Variants in ADCY7 observed in about 807,000 individuals in gnomAD.
The protein encoded by ADCY7 is adenylate cyclase 7.
Under a neutral mutation model 120.6 loss-of-function variants are expected in ADCY7, and 72 were observed. The observed-to-expected ratio is 0.60, with a 90% CI of 0.49 to 0.73. The LOEUF (loss-of-function observed/expected upper bound fraction) is 0.73. ADCY7 is among the 30% of genes least tolerant of loss of function. The probability of loss-of-function intolerance (pLI) is 0.00; values close to 1 mark genes in which losing one functional copy is unlikely to be tolerated. For missense variants in ADCY7, 1,227 were observed against 1,486.0 expected (o/e 0.83, Z 2.87); for synonymous variants, 661 against 628.0 (o/e 1.05, Z -0.78).
intron 14 of ADCY7, 46 bp from the exon 15 acceptor site, chr16:50,307,004 A>G: frequency 6.7e-7 from 1 of 1,488,804 alleles, no homozygotes; most frequent in Non-Finnish European, 9.3e-7. Flanking sequence ...AGGGTGGGCA[A>G]GTGGCACTGC....
rs377714005 is a variant in ADCY7, at chr16:50,293,397, G to A, written c.731G>A (p.Gly244Asp). Residue 244 changes from glycine to aspartate, a missense_variant, in exon 6 of 26, where the codon GGC (glycine) becomes GAC (aspartate). By Grantham distance (94) the Gly-to-Asp change is moderately conservative. Coordinates refer to ENST00000673801, the MANE Select transcript of ADCY7 (RefSeq NM_001114.5). ...LSVLPAHISMGMKLAIIERLK... is the reference protein window; with the variant it reads ...LSVLPAHISMDMKLAIIERLK... ...GTGCTTCCGGCCCACATCTCCATGG[G>A]CATGAAGCTGGCCATCATCGAACGG... 3 of 1,613,842 alleles carry A rather than the reference G, an allele frequency of 1.9e-6. No homozygotes were observed. Among genetic ancestry groups the A allele is most frequent in the African/African-American group, 2.7e-5 (2 of 74,934 alleles).
At chr16:50,314,894 T>C (rs938311388) in intron 24 of ADCY7, 120 bp from the exon 25 acceptor site, 72 of 1,398,952 alleles carry the variant, frequency 5.1e-5, no homozygotes, top group Admixed American at 1.3e-4. Flanking sequence ...CAACCCAGCC[T>C]TCACTCTAGT....
intron 1 of ADCY7, among the ~76,000 whole-genome samples, chr16:50,252,896 C>T (rs1286033068): frequency 6.6e-6 from 1 of 152,168 alleles, no homozygotes; most frequent in Non-Finnish European, 1.5e-5. Flanking sequence ...CTCGAAGTAA[C>T]CCATTAACAT....
intron 8 of ADCY7, among the ~76,000 whole-genome samples, chr16:50,299,594 C>T (rs142923752): frequency 1.3e-5 from 2 of 152,198 alleles, no homozygotes; most frequent in African/African-American, 2.4e-5. Flanking sequence ...GAGCAGGGCC[C>T]GGTGGGGCTG....
intron 20 of ADCY7, 42 bp downstream of exon 20, chr16:50,311,828 C>A: frequency 2.3e-6 from 3 of 1,323,702 alleles, no homozygotes; most frequent in Non-Finnish European, 3.2e-6. Flanking sequence ...GCTCTGCCCA[C>A]TTTTCCTCAC....
At position 50,259,838 on chromosome 16, in the gene ADCY7, C is replaced by T. The variant is rs186529629; in HGVS notation, c.-64+13635C>T. 8.5e-4 allele frequency among the ~76,000 whole-genome samples: 129 copies of T among 152,326 alleles called. No homozygotes were observed. In the South Asian group the frequency reaches 9.1e-3, roughly 11 times the overall value. The stretch of plus-strand genomic sequence containing the variant: ...AGGGGTCAGAAGGCGCTAGTGGACC[C>T]GGGCATTTTCTTATGTTCCTAGCCT... On this transcript the variant is annotated intron_variant, in intron 1 of 4. Transcript: ENST00000564044.
chr16:50,294,881 A>G, intron 7 of ADCY7, 130 bp downstream of exon 7: 1 of 628,570 alleles, frequency 1.6e-6, no homozygotes, highest in Admixed American at 2.7e-5. Flanking sequence ...GCATCCAGCC[A>G]GCAAACACAA....
In ADCY7 at chr16:50,311,803, C is replaced by CG. The variant is rs751779192; in HGVS notation, c.2448+17_2448+18insG. ...TCCAGACAGGTAAGGAGGCTGGCCC[C>CG]CCCCCCCCCCCCAAGCTCTGCCCAC... On this transcript the variant is annotated intron_variant, in intron 20 of 25. Coordinates refer to ENST00000673801, the MANE Select transcript of ADCY7 (RefSeq NM_001114.5). 1.2e-6 allele frequency: 1 copy of CG among 817,052 alleles called. No individual in the cohort carries two copies. The highest frequency in any genetic ancestry group is 3.9e-5 in the East Asian group (1 of 25,440). 50.6% of individuals were successfully genotyped at this position (817,052 alleles called of 1,614,324 possible). A position where few individuals can be genotyped will look rare whatever the true frequency, so the allele number is the denominator to read the frequency against.
chr16:50,289,093 T>G (rs2034770176), intron 2 of ADCY7: 1 of 204,530 alleles, frequency 4.9e-6, no homozygotes, highest in Non-Finnish European at 1.0e-5. Context: ...AGGGATGGCC[T>G]GTGTATCACT....
At chr16:50,298,528 C>T (rs964591469) in intron 7 of ADCY7, among the ~76,000 whole-genome samples, 6 of 152,238 alleles carry the variant, frequency 3.9e-5, no homozygotes, top group African/African-American at 9.6e-5. Flanking sequence ...CTCCTGCCTA[C>T]GTGCAAGCTC....
intron 2 of ADCY7, chr16:50,289,199 T>TTTG (rs2034781971): frequency 1.6e-5 from 5 of 312,964 alleles, no homozygotes; most frequent in South Asian, 9.4e-5. Context: ...TTTGTTTTTT[T>TTTG]TTTGTTTGTT....
At chr16:50,310,391 G>A in intron 18 of ADCY7, 1 of 1,439,244 alleles carries the variant, frequency 6.9e-7, no homozygotes, top group Non-Finnish European at 9.4e-7. Flanking sequence ...AAAACTCAGG[G>A]AGGCAGCTTG....
chr16:50,305,565 T>C lies in ADCY7; in HGVS notation c.1658T>C (p.Ile553Thr), dbSNP rs1392523618. The C allele has an allele frequency of 4.4e-6, 7 of 1,605,192 alleles. No homozygotes were observed. The highest frequency in any genetic ancestry group is 1.7e-4 in the Middle Eastern group (1 of 6,046). Residue 553 changes from isoleucine (I) to threonine (T), a missense_variant, in exon 13 of 26, where the codon ATT becomes ACT. By Grantham distance (89) the Ile-to-Thr change is moderately conservative (BLOSUM62 -1). Coordinates refer to ENST00000673801, the MANE Select transcript of ADCY7 (RefSeq NM_001114.5). ...DSYDDEMLSAIEGLSSTRPCC... is the reference protein window; with the variant it reads ...DSYDDEMLSATEGLSSTRPCC... ...TACGATGACGAGATGCTGTCAGCCA[T>C]TGAGGGGCTCAGCTCCACGAGGTGA...
At position 50,316,299 on chromosome 16, in the gene ADCY7, G is replaced by A. The variant is rs1872691; in HGVS notation, c.*794G>A. 41,035 of 152,290 alleles carry A rather than the reference G, an allele frequency of 0.27. 6,407 individuals are homozygous for A. The highest frequency in any genetic ancestry group is 0.43 in the African/African-American group (17,675 of 41,436). The allele number at this position is 152,290 out of a possible 1,614,324, so 9.4% of individuals were successfully genotyped here. A position where few individuals can be genotyped will look rare whatever the true frequency, so the allele number is the denominator to read the frequency against. ...AGGAATGTGGTCACAGCAAGAAGGC[G>A]GGGAGCAGCAGAGCCTTGCCTTTGA... is the stretch of plus-strand genomic sequence containing the variant. On this transcript the variant is annotated 3_prime_UTR_variant, in exon 26 of 26. Coordinates refer to ENST00000673801, the MANE Select transcript of ADCY7 (RefSeq NM_001114.5).
At chr16:50,295,042 G>A (rs112039089) in intron 7 of ADCY7, among the ~76,000 whole-genome samples, 9 of 152,302 alleles carry the variant, frequency 5.9e-5, no homozygotes, top group African/African-American at 1.9e-4. Context: ...AGGAGGAGAT[G>A]GCTCCATCCT....
In ADCY7 at chr16:50,309,638, C is replaced by G; in HGVS notation, c.2152C>G (p.Pro718Ala). 1 of 1,609,822 alleles carries G rather than the reference C, an allele frequency of 6.2e-7. No homozygotes were observed. Among genetic ancestry groups the G allele is most frequent in the Non-Finnish European group, 8.5e-7 (1 of 1,179,960 alleles). The change falls in exon 18 of 26, where the codon CCC (proline) becomes GCC (alanine). Residue 718 changes from proline (P) to alanine (A), a missense_variant. Pro to Ala is a conservative substitution (Grantham distance 27). Transcript: ENST00000673801. ...ASSKTRALCE[P>A]LPYYTCSCVL... ...CAGCAAGACAAGAGCCCTGTGTGAGCCCCTCCCGGTGAGTGCGCCGGGCCC... is the reference window on the plus strand; with the variant it reads ...CAGCAAGACAAGAGCCCTGTGTGAGGCCCTCCCGGTGAGTGCGCCGGGCCC...
chr16:50,267,046 A>G (rs936822422), intron 1 of ADCY7, among the ~76,000 whole-genome samples: 2 of 152,224 alleles, frequency 1.3e-5, no homozygotes, highest in African/African-American at 4.8e-5. Context: ...AGCACACATG[A>G]CTTTTCTCAA....
At position 50,314,306 on chromosome 16, in the gene ADCY7, G is replaced by A; in HGVS notation, c.2871G>A (p.Gln957=). Residue 957 remains glutamine (Q), a synonymous_variant, in exon 24 of 26, where the codon CAG becomes CAA. Coordinates refer to ENST00000673801, the MANE Select transcript of ADCY7 (RefSeq NM_001114.5). The stretch of plus-strand genomic sequence containing the variant: ...CTGTCCCGCAGGAGCTGGAGCGGCA[G>A]CATGCCCACATTGGTGTCATGGTGG... ...SGHENQELER[Q]HAHIGVMVEF... 1 of 1,614,148 alleles carries A rather than the reference G, an allele frequency of 6.2e-7. No homozygotes were observed. Among genetic ancestry groups the A allele is most frequent in the Non-Finnish European group, 8.5e-7 (1 of 1,180,016 alleles).
chr16:50,300,216 G>T (rs1191747658), intron 8 of ADCY7, among the ~76,000 whole-genome samples: 1 of 152,032 alleles, frequency 6.6e-6, no homozygotes, highest in Non-Finnish European at 1.5e-5. Context: ...GACTACAGGC[G>T]CCTGCTACCA....
Sources: allele counts gnomAD v4.1 joint callset (sites outside exome capture counted in the v4.1 genomes callset), GRCh38; gene constraint gnomAD v4.1.1; transcripts MANE v1.5; gene names NCBI Gene and HGNC (gene_info 2026-07-23, HGNC 2026-07-21).